DUS4L: variants seen among roughly 807,000 people sequenced by gnomAD.
DUS4L encodes dihydrouridine synthase 4 like.
A neutral mutation model predicts 33.8 loss-of-function variants in DUS4L; 31 were observed. The observed-to-expected ratio is 0.92, with a 90% CI of 0.69 to 1.24. DUS4L has a LOEUF of 1.24. DUS4L is among the 50% of genes most tolerant of loss of function. The pLI is 0.00. For synonymous variants in DUS4L, 103 were observed against 120.3 expected (o/e 0.86, Z 0.94); for missense variants, 368 against 388.6 (o/e 0.95, Z 0.45).
chr7:107,566,018 G>A (rs1804650224), intron 2 of DUS4L, among the ~76,000 whole-genome samples: 3 of 151,966 alleles, frequency 2.0e-5, no homozygotes, highest in African/African-American at 4.8e-5. Flanking sequence ...GGTCTCTCTC[G>A]TTTTCTGAGT....
intron 3 of DUS4L, 46 bp from the exon 4 acceptor site, chr7:107,571,099 T>G: frequency 6.2e-7 from 1 of 1,610,466 alleles, no homozygotes; most frequent in Non-Finnish European, 8.5e-7. Context: ...CTAAAATATG[T>G]TTGTGGTGTT....
At chr7:107,566,777 A>G (rs931355816) in intron 2 of DUS4L, among the ~76,000 whole-genome samples, 7 of 150,732 alleles carry the variant, frequency 4.6e-5, no homozygotes, top group Non-Finnish European at 7.4e-5. Context: ...AAAACTTACA[A>G]CATGGTAAAC....
Position 107,577,660 on chromosome 7 carries a change from T to C in DUS4L, c.*100T>C. The C allele has an allele frequency of 7.5e-7, 1 of 1,325,382 alleles. No individual in the cohort carries two copies. Among genetic ancestry groups the C allele is most frequent in the African/African-American group, 1.5e-5 (1 of 67,556 alleles). The allele number at this position is 1,325,382 out of a possible 1,614,324, so 82.1% of individuals were successfully genotyped here. On this transcript the variant is annotated 3_prime_UTR_variant, in exon 8 of 8. Transcript: ENST00000265720. ...TAAACCAGTAGCTCTCAAATTTTAGTATAAAAACAATTCCTGGGAGCGTTT... is the reference window on the plus strand; with the variant it reads ...TAAACCAGTAGCTCTCAAATTTTAGCATAAAAACAATTCCTGGGAGCGTTT...
In DUS4L at chr7:107,577,488, A is replaced by G. The variant is rs1373115331; in HGVS notation, c.882A>G (p.Glu294=). The change falls in exon 8 of 8, where the codon GAA becomes GAG. Residue 294 remains glutamate (E), a synonymous_variant. Transcript: ENST00000265720. ...YMMEKITSRQ[E]KRVFNALSST... ...TGGAAAAGATAACTTCAAGGCAGGAAAAAAGGGTATTTAATGCTCTGTCAA... is the reference window on the plus strand; with the variant it reads ...TGGAAAAGATAACTTCAAGGCAGGAGAAAAGGGTATTTAATGCTCTGTCAA... 18 of 1,614,066 alleles carry G rather than the reference A, an allele frequency of 1.1e-5. No homozygotes were observed. In the Middle Eastern group the frequency reaches 8.2e-4, roughly 74 times the overall value.
chr7:107,571,357 T>C lies in DUS4L; in HGVS notation c.238+91T>C, dbSNP rs1584992786. 1.4e-5 allele frequency: 21 copies of C among 1,491,018 alleles called. No homozygotes were observed. In the South Asian group the frequency reaches 2.4e-4, roughly 17 times the overall value. The allele number at this position is 1,491,018 out of a possible 1,614,324, so 92.4% of individuals were successfully genotyped here. A position where few individuals can be genotyped will look rare whatever the true frequency, so the allele number is the denominator to read the frequency against. On this transcript the variant is annotated intron_variant, in intron 4 of 7. Coordinates refer to ENST00000265720, the MANE Select transcript of DUS4L (RefSeq NM_181581.3). Reference sequence around the variant, plus strand: ...TATCAGAAACAACACAATTTAGAGATTTTATGTGAAGAAGCTTTAGTTCTT... The same window carrying C: ...TATCAGAAACAACACAATTTAGAGACTTTATGTGAAGAAGCTTTAGTTCTT...
chr7:107,567,276 T>C, intron 3 of DUS4L, 90 bp downstream of exon 3: 1 of 1,040,288 alleles, frequency 9.6e-7, no homozygotes, highest in Non-Finnish European at 1.4e-6. Flanking sequence ...ACCCACCATA[T>C]GGGAACTTCA....
chr7:107,573,566 T>C (rs529745003), intron 4 of DUS4L, 138 bp from the exon 5 acceptor site: 54 of 729,486 alleles, frequency 7.4e-5, no homozygotes, highest in African/African-American at 3.8e-4. Flanking sequence ...TTGTTTAATG[T>C]TATATTATTT....
chr7:107,576,460 G>T lies in DUS4L; in HGVS notation c.574G>T (p.Glu192Ter), dbSNP rs1193598125. 1 of 1,612,744 alleles carries T rather than the reference G, an allele frequency of 6.2e-7. No homozygotes were observed. The highest frequency in any genetic ancestry group is 1.7e-5 in the Admixed American group (1 of 59,642). Residue 192 changes from glutamate (E) to a stop codon, truncating the protein, a stop_gained, in exon 7 of 8, where the codon GAA becomes TAA. Coordinates refer to ENST00000265720, the MANE Select transcript of DUS4L (RefSeq NM_181581.3). LOFTEE classifies it high-confidence loss of function. ...WITVHGRTAE[E>*]RHQPVHYDSI... ...TACAGTCCATGGAAGAACTGCTGAA[G>T]AAAGACATCAGCCAGTGCACTATGA... is the stretch of plus-strand genomic sequence containing the variant.
At chr7:107,575,035 C>T in intron 5 of DUS4L, 153 bp from the exon 6 acceptor site, 2 of 931,712 alleles carry the variant, frequency 2.1e-6, no homozygotes, top group Non-Finnish European at 3.2e-6. Context: ...TCATATTGAT[C>T]CACTTAGAAA....
intron 4 of DUS4L, 54 bp downstream of exon 4, chr7:107,571,320 A>G: frequency 6.4e-7 from 1 of 1,567,778 alleles, no homozygotes; most frequent in South Asian, 1.2e-5. Context: ...TTGTTTACAA[A>G]CTCAACTATC....
At chr7:107,576,021 T>C (rs2129197813) in intron 6 of DUS4L, among the ~76,000 whole-genome samples, 1 of 152,306 alleles carries the variant, frequency 6.6e-6, no homozygotes, top group African/African-American at 2.4e-5. Context: ...TAAAGTATTA[T>C]ATTCTCCCAC....
At chr7:107,567,371 T>C (rs1251773346) in intron 3 of DUS4L, among the ~76,000 whole-genome samples, 185 bp downstream of exon 3, 1 of 152,138 alleles carries the variant, frequency 6.6e-6, no homozygotes, top group Admixed American at 6.5e-5. Context: ...AGTAAACAAT[T>C]AACTTCTCTG....
rs763212133 is a variant in DUS4L at position 107,567,078 on chromosome 7, G to C, written c.8G>C (p.Ser3Thr). The change falls in exon 3 of 8, where the codon AGT becomes ACT. Residue 3 changes from serine to threonine, a missense_variant. Ser to Thr is a moderately conservative substitution (Grantham distance 58, BLOSUM62 1). Coordinates refer to ENST00000265720, the MANE Select transcript of DUS4L (RefSeq NM_181581.3). MK[S>T]DCMQTTICQE... Reference sequence around the variant, plus strand: ...TGAAACATATCTGTATTAATGAAGAGTGACTGCATGCAAACGACAATATGT... The same window carrying C: ...TGAAACATATCTGTATTAATGAAGACTGACTGCATGCAAACGACAATATGT... 2 of 1,612,746 alleles carry C rather than the reference G, an allele frequency of 1.2e-6. No individual in the cohort carries two copies. Among genetic ancestry groups the C allele is most frequent in the Non-Finnish European group, 1.7e-6 (2 of 1,179,198 alleles).
chr7:107,571,983 C>G lies in DUS4L; in HGVS notation c.238+717C>G, dbSNP rs182137013. The stretch of plus-strand genomic sequence containing the variant: ...CTCTTGCAAACTGTAGTTTATGTTT[C>G]GTCATTCAGCTCTCAATATTTGTAG... On this transcript the variant is annotated intron_variant, in intron 4 of 7. Transcript: ENST00000265720. Among the ~76,000 whole-genome samples, 9 of 151,762 alleles carry G rather than the reference C, an allele frequency of 5.9e-5. No homozygotes were observed. The East Asian group carries it at 1.7e-3, about 29-fold the overall frequency.
At position 107,564,177 on chromosome 7, in the gene DUS4L, C is replaced by T; in HGVS notation, c.-143C>T. ...TCGCAGCAGCTCAGGGCCGCGCCCCCTGGGCTGGCGTCGTGCCCTAGCCAA... is the reference window on the plus strand; with the variant it reads ...TCGCAGCAGCTCAGGGCCGCGCCCCTTGGGCTGGCGTCGTGCCCTAGCCAA... On this transcript the variant is annotated 5_prime_UTR_variant, in exon 1 of 8. Transcript: ENST00000265720. The T allele has an allele frequency of 1.6e-6, 1 of 630,242 alleles. No homozygotes were observed. Among genetic ancestry groups the T allele is most frequent in the South Asian group, 2.0e-5 (1 of 51,068 alleles). The allele number at this position is 630,242 out of a possible 1,614,324, so 39.0% of individuals were successfully genotyped here.
At chr7:107,567,291 C>G (rs1306829310) in intron 3 of DUS4L, 105 bp downstream of exon 3, 3 of 868,934 alleles carry the variant, frequency 3.5e-6, no homozygotes, top group Non-Finnish European at 5.4e-6. Context: ...ACTTCAAACT[C>G]TTAGCTTTGG....
chr7:107,573,785 C>T lies in DUS4L; in HGVS notation c.320C>T (p.Ala107Val), dbSNP rs1265457846. ...GCTGCTCGTATAGTCTGTCCTTATG[C>T]GAATGGAATAGACATTAACTGTGGT... ...SDAARIVCPY[A>V]NGIDINCGCP... Residue 107 changes from alanine to valine, a missense_variant, in exon 5 of 8, where the codon GCG becomes GTG. Physicochemically the swap from Ala to Val is moderately conservative, Grantham distance 64. Coordinates refer to ENST00000265720, the MANE Select transcript of DUS4L (RefSeq NM_181581.3). The T allele has an allele frequency of 1.4e-5, 22 of 1,599,452 alleles. No individual in the cohort carries two copies. Among genetic ancestry groups the T allele is most frequent in the Non-Finnish European group, 1.7e-5 (20 of 1,173,212 alleles).
chr7:107,564,428 T>G, intron 1 of DUS4L, 160 bp from the exon 2 acceptor site: 1 of 180,308 alleles, frequency 5.5e-6, no homozygotes, highest in Admixed American at 5.7e-5. Flanking sequence ...CAGGAAATGC[T>G]TGGGAAGAAA....
intron 6 of DUS4L, 73 bp from the exon 7 acceptor site, chr7:107,576,293 C>G (rs10276604): frequency 4.8e-4 from 668 of 1,381,942 alleles, no homozygotes; most frequent in Non-Finnish European, 6.3e-4. Flanking sequence ...AGATGAAATA[C>G]CATTTTAGTC....
Sources: allele counts gnomAD v4.1 joint callset (sites outside exome capture counted in the v4.1 genomes callset), GRCh38; gene constraint gnomAD v4.1.1; transcripts MANE v1.5; gene names NCBI Gene and HGNC (gene_info 2026-07-23, HGNC 2026-07-21).